The following GAREM1 variants were observed in gnomAD, a reference collection of about 807,000 sequenced individuals.
GAREM1 encodes GRB2 associated regulator of MAPK1 subtype 1.
GAREM1 carries 26 observed loss-of-function variants against 71.3 expected under a neutral mutation model. The ratio of observed to expected loss-of-function variants is 0.36; its 90% CI spans 0.27 to 0.51. The LOEUF (loss-of-function observed/expected upper bound fraction) is 0.51, where lower values mean the gene tolerates loss of function less well. Among genes scored for constraint, GAREM1 ranks in the 20% least tolerant of loss-of-function variants. The pLI is 0.95. For synonymous variants in GAREM1, 440 were observed against 433.2 expected (o/e 1.02, Z -0.20); for missense variants, 1,026 against 1,103.1 (o/e 0.93, Z 0.99).
At chr18:32,392,248 T>G (rs2048209065) in intron 2 of GAREM1, among the ~76,000 whole-genome samples, 1 of 152,124 alleles carries the variant, frequency 6.6e-6, no homozygotes, top group Admixed American at 6.6e-5. Flanking sequence ...ATTTAAAGCT[T>G]ATTTAAGCCA....
chr18:32,458,301 G>A (rs1039915725), intron 1 of GAREM1, among the ~76,000 whole-genome samples: 3 of 151,984 alleles, frequency 2.0e-5, no homozygotes, highest in African/African-American at 7.2e-5. Context: ...TCCATGAATG[G>A]AACACAAATA....
chr18:32,463,804 CGTG>C (rs2048974276), intron 1 of GAREM1, among the ~76,000 whole-genome samples: 1 of 151,564 alleles, frequency 6.6e-6, no homozygotes, highest in Admixed American at 6.6e-5. Context: ...CTCCTGACCT[CGTG>C]ATCCGCCCAC....
chr18:32,330,843 G>A lies in GAREM1; in HGVS notation c.263-20520C>T, dbSNP rs533238182. ...GGAAACAGAAGGTGAGAAAAGGGAA[G>A]GAGGAAAGAAGGGAACATTTTGAGG... On this transcript the variant is annotated intron_variant, in intron 2 of 5. Transcript: ENST00000269209. Among the ~76,000 whole-genome samples the A allele has an allele frequency of 2.0e-5, 3 of 152,260 alleles. No individual in the cohort carries two copies. In the East Asian group the frequency reaches 5.8e-4, roughly 29 times the overall value.
At chr18:32,331,056 G>C (rs1369087368) in intron 2 of GAREM1, among the ~76,000 whole-genome samples, 1 of 152,046 alleles carries the variant, frequency 6.6e-6, no homozygotes, top group Non-Finnish European at 1.5e-5. Flanking sequence ...CCTTCTCTCT[G>C]ATCATTTCTA....
chr18:32,271,334 A>G (rs1233543005), intron 4 of GAREM1, among the ~76,000 whole-genome samples: 2 of 152,130 alleles, frequency 1.3e-5, no homozygotes, highest in Non-Finnish European at 2.9e-5. Context: ...CTGGGATTAC[A>G]GGCGCCTGCC....
intron 1 of GAREM1, chr18:32,412,476 C>G: frequency 6.3e-7 from 1 of 1,593,634 alleles, no homozygotes; most frequent in South Asian, 1.1e-5. Flanking sequence ...ATATCTACCA[C>G]CAGCACGGCT....
In GAREM1 at chr18:32,303,972, CAG is replaced by C. The variant is rs201158462; in HGVS notation, c.393+6219_393+6220del. On this transcript the variant is annotated intron_variant, in intron 3 of 5. Transcript: ENST00000269209. The stretch of plus-strand genomic sequence containing the variant: ...ATAAGAGAGAGGTGAGAAAAAGAAA[CAG>C]AGAAAGAGGGAGGGAGGGGAGGGGA... 4.7e-3 allele frequency among the ~76,000 whole-genome samples: 613 copies of C among 129,112 alleles called. 19 individuals are homozygous for C. The highest frequency in any genetic ancestry group is 0.044 in the Admixed American group (520 of 11,722). The allele number at this position is 129,112 out of a possible 152,430, so 84.7% of individuals were successfully genotyped here. A position where few individuals can be genotyped will look rare whatever the true frequency, so the allele number is the denominator to read the frequency against.
chr18:32,457,226 A>AGTGT (rs566379367), intron 1 of GAREM1, among the ~76,000 whole-genome samples: 1,388 of 81,850 alleles, frequency 0.017, 33 homozygotes, highest in Non-Finnish European at 0.019. Context: ...AGAGAGAGAG[A>AGTGT]GTGTGTGTGT....
intron 3 of GAREM1, among the ~76,000 whole-genome samples, chr18:32,289,922 C>A (rs1189973613): frequency 6.6e-6 from 1 of 152,012 alleles, no homozygotes; most frequent in Non-Finnish European, 1.5e-5. Flanking sequence ...TTTTTTGAAT[C>A]CTAACCACTA....
At chr18:32,360,530 G>T (rs548424214) in intron 2 of GAREM1, among the ~76,000 whole-genome samples, 2 of 152,018 alleles carry the variant, frequency 1.3e-5, no homozygotes, top group African/African-American at 4.8e-5. Flanking sequence ...TTTATTAGAG[G>T]ACCCTCAAAT....
Position 32,266,034 on chromosome 18 carries a change from T to A in GAREM1, c.*1837A>T, listed in dbSNP as rs2041369274. The A allele has an allele frequency of 6.6e-6, 1 of 152,168 alleles. No individual in the cohort carries two copies. The highest frequency in any genetic ancestry group is 6.5e-5 in the Admixed American group (1 of 15,282). 9.4% of individuals were successfully genotyped at this position (152,168 alleles called of 1,614,324 possible). On this transcript the variant is annotated 3_prime_UTR_variant, in exon 6 of 6. Transcript: ENST00000269209. ...CTTCCTCATTGAGTTATCTGTGACTTTTGAAGAGGTGCTCCAGTGTGAGAA... is the reference window on the plus strand; with the variant it reads ...CTTCCTCATTGAGTTATCTGTGACTATTGAAGAGGTGCTCCAGTGTGAGAA...
At chr18:32,326,369 G>A (rs1171688102) in intron 2 of GAREM1, among the ~76,000 whole-genome samples, 1 of 152,132 alleles carries the variant, frequency 6.6e-6, no homozygotes. Context: ...TGACCATAAT[G>A]ACAGTGGCCT....
intron 2 of GAREM1, among the ~76,000 whole-genome samples, chr18:32,380,847 AAG>A (rs774827335): frequency 1.3e-5 from 2 of 152,130 alleles, no homozygotes; most frequent in Non-Finnish European, 2.9e-5. Context: ...ATAAGGAGGT[AAG>A]AGAGTTAAAA....
intron 1 of GAREM1, among the ~76,000 whole-genome samples, chr18:32,432,516 T>C (rs1234754981): frequency 6.6e-6 from 1 of 152,018 alleles, no homozygotes; most frequent in Non-Finnish European, 1.5e-5. Context: ...AAGATCTTTC[T>C]CTGAAAAGAT....
intron 1 of GAREM1, among the ~76,000 whole-genome samples, chr18:32,466,536 C>A (rs2049000361): frequency 6.6e-6 from 1 of 152,104 alleles, no homozygotes; most frequent in South Asian, 2.1e-4. Flanking sequence ...CAGAGTTTCA[C>A]CAAATCTTTT....
At chr18:32,374,846 G>A (rs1483043254) in intron 2 of GAREM1, among the ~76,000 whole-genome samples, 1 of 152,122 alleles carries the variant, frequency 6.6e-6, no homozygotes, top group African/African-American at 2.4e-5. Context: ...AGAACTTTCA[G>A]GAAAGTAGCA....
chr18:32,309,009 A>C (rs777245424), intron 3 of GAREM1, among the ~76,000 whole-genome samples: 2 of 150,130 alleles, frequency 1.3e-5, no homozygotes, highest in Non-Finnish European at 3.0e-5. Context: ...GACACCATGT[A>C]GTCTGTTTTT....
At chr18:32,365,775 T>A (rs1379755003) in intron 2 of GAREM1, among the ~76,000 whole-genome samples, 7 of 152,152 alleles carry the variant, frequency 4.6e-5, no homozygotes, top group Non-Finnish European at 2.9e-5. Context: ...CTCAGGCTCA[T>A]CTGAGAAGGA....
intron 1 of GAREM1, among the ~76,000 whole-genome samples, chr18:32,399,515 T>C (rs2048290760): frequency 6.6e-6 from 1 of 152,110 alleles, no homozygotes; most frequent in Non-Finnish European, 1.5e-5. Flanking sequence ...ACAAGCATTC[T>C]TATACAACAG....
Sources: allele counts gnomAD v4.1 joint callset (sites outside exome capture counted in the v4.1 genomes callset), GRCh38; gene constraint gnomAD v4.1.1; transcripts MANE v1.5; gene names NCBI Gene and HGNC (gene_info 2026-07-23, HGNC 2026-07-21).